The following CAPRIN1 variants were observed in gnomAD, a reference collection of about 807,000 sequenced individuals.
The protein encoded by CAPRIN1 is caprin-1.
CAPRIN1 carries 29 observed loss-of-function variants against 100.9 expected under a neutral mutation model. The ratio of observed to expected loss-of-function variants is 0.29; its 90% CI spans 0.21 to 0.39. The LOEUF (loss-of-function observed/expected upper bound fraction) is 0.39. Ranked by LOEUF, CAPRIN1 falls within the 10% of genes least tolerant of loss-of-function variation. The pLI is 1.00. For synonymous variants in CAPRIN1, 338 were observed against 307.5 expected, an observed-to-expected ratio of 1.10 and a Z score of -1.04; for missense variants, 795 against 876.7, an observed-to-expected ratio of 0.91 and a Z score of 1.18.
intron 15 of CAPRIN1, 113 bp downstream of exon 15, chr11:34,092,169 G>A (rs1269049756): frequency 3.8e-6 from 4 of 1,040,952 alleles, no homozygotes; most frequent in African/African-American, 3.2e-5. Context: ...TGTTTTAGTA[G>A]CAGACCATAT....
chr11:34,084,174 G>T (rs1246281987), intron 9 of CAPRIN1, among the ~76,000 whole-genome samples: 2 of 151,626 alleles, frequency 1.3e-5, no homozygotes, highest in Admixed American at 1.3e-4. Flanking sequence ...GGCTCGTCTT[G>T]AATTCCTGAC....
chr11:34,078,804 T>C (rs755638125), intron 6 of CAPRIN1, among the ~76,000 whole-genome samples: 1 of 152,188 alleles, frequency 6.6e-6, no homozygotes, highest in Non-Finnish European at 1.5e-5. Flanking sequence ...CTTCTTCCCC[T>C]CTACTCTTCT....
rs3833786 is a variant in CAPRIN1 at position 34,096,149 on chromosome 11, T to TA, written c.1706-329dup. The stretch of plus-strand genomic sequence containing the variant: ...TGTACTAAGAGTAAATCTTTTGAGT[T>TA]ATTTTGGGTCTCTTGTGCTAAAAAG... On this transcript the variant is annotated intron_variant, in intron 15 of 18. Transcript: ENST00000341394. 60 of 177,728 alleles carry TA rather than the reference T, an allele frequency of 3.4e-4. 1 individual carries two copies. In the East Asian group the frequency reaches 8.9e-3, roughly 26 times the overall value. 11.0% of individuals were successfully genotyped at this position (177,728 alleles called of 1,614,324 possible).
intron 15 of CAPRIN1, 107 bp downstream of exon 15, chr11:34,092,163 T>TTAG: frequency 9.1e-7 from 1 of 1,103,902 alleles, no homozygotes; most frequent in South Asian, 1.7e-5. Flanking sequence ...AGTTTCTGTT[T>TTAG]TAGTAGCAGA....
chr11:34,096,325 T>G, intron 15 of CAPRIN1, 154 bp from the exon 16 acceptor site: 2 of 568,886 alleles, frequency 3.5e-6, no homozygotes, highest in South Asian at 4.9e-5. Context: ...GTAAGAGACT[T>G]TATTCATGTG....
chr11:34,071,133 C>T (rs904180381), intron 2 of CAPRIN1, among the ~76,000 whole-genome samples: 3 of 152,194 alleles, frequency 2.0e-5, no homozygotes, highest in Non-Finnish European at 4.4e-5. Context: ...GGCCCTTACC[C>T]ATGTGGGTAG....
intron 2 of CAPRIN1, among the ~76,000 whole-genome samples, chr11:34,069,452 T>A (rs1850768312): frequency 6.6e-6 from 1 of 152,132 alleles, no homozygotes; most frequent in South Asian, 2.1e-4. Context: ...CTGGTCTAGT[T>A]TTTTATTTCT....
chr11:34,073,585 GTCTAATTT>G (rs1173283034), intron 4 of CAPRIN1, among the ~76,000 whole-genome samples: 1 of 152,094 alleles, frequency 6.6e-6, no homozygotes, highest in African/African-American at 2.4e-5. Context: ...CACCATGCCA[GTCTAATTT>G]TCTAATTTTT....
At chr11:34,083,510 T>A (rs1168180859) in intron 9 of CAPRIN1, among the ~76,000 whole-genome samples, 2 of 152,208 alleles carry the variant, frequency 1.3e-5, no homozygotes, top group African/African-American at 4.8e-5. Flanking sequence ...TCTCTTCATA[T>A]TACTCCTCTC....
intron 4 of CAPRIN1, among the ~76,000 whole-genome samples, chr11:34,074,787 A>G (rs1298144419): frequency 1.3e-5 from 2 of 152,212 alleles, no homozygotes; most frequent in Non-Finnish European, 2.9e-5. Context: ...AGGCAGCAGA[A>G]TTACTTGAAT....
At position 34,090,026 on chromosome 11, in the gene CAPRIN1, TA is replaced by T. The variant is rs1467737523; in HGVS notation, c.1294-152del. 6.4e-6 allele frequency: 3 copies of T among 469,228 alleles called. No individual in the cohort carries two copies. The East Asian group carries it at 1.0e-4, about 16-fold the overall frequency. The allele number at this position is 469,228 out of a possible 1,614,324, so 29.1% of individuals were successfully genotyped here. A position where few individuals can be genotyped will look rare whatever the true frequency, so the allele number is the denominator to read the frequency against. ...TTTTTGCAATTTTTAGGTTTTATAT[TA>T]TACAAATTTAAAGAGAGATGGTAAT... On this transcript the variant is annotated intron_variant, in intron 12 of 18. Coordinates refer to ENST00000341394, the MANE Select transcript of CAPRIN1 (RefSeq NM_005898.5).
In CAPRIN1 at chr11:34,079,496, A is replaced by C. The variant is rs948115641; in HGVS notation, c.689-132A>C. 22 of 631,220 alleles carry C rather than the reference A, an allele frequency of 3.5e-5. No homozygotes were observed. The African/African-American group carries it at 4.1e-4, about 12-fold the overall frequency. 39.1% of individuals were successfully genotyped at this position (631,220 alleles called of 1,614,324 possible). A position where few individuals can be genotyped will look rare whatever the true frequency, so the allele number is the denominator to read the frequency against. Reference sequence around the variant, plus strand: ...TACATTTCTGTTCTTGGTGAAATGTAATCTTTTTATGTGTATATGTGTTTT... The same window carrying C: ...TACATTTCTGTTCTTGGTGAAATGTCATCTTTTTATGTGTATATGTGTTTT... On this transcript the variant is annotated intron_variant, in intron 6 of 18. Transcript: ENST00000341394.
chr11:34,097,686 C>T lies in CAPRIN1; in HGVS notation c.2002-12C>T. The T allele has an allele frequency of 6.2e-7, 1 of 1,613,954 alleles. No homozygotes were observed. The highest frequency in any genetic ancestry group is 8.5e-7 in the Non-Finnish European group (1 of 1,179,878). On this transcript the variant is annotated splice_polypyrimidine_tract_variant and intron_variant, in intron 17 of 18. Coordinates refer to ENST00000341394, the MANE Select transcript of CAPRIN1 (RefSeq NM_005898.5). ...AAAGTACCTTTTCAATACTAACTAG[C>T]TTGTCTTTTAGGATGGATATCAGCA...
At position 34,057,297 on chromosome 11, in the gene CAPRIN1, C is replaced by CTG. The variant is rs1449056578; in HGVS notation, c.216+4669_216+4670dup. 2.6e-5 allele frequency among the ~76,000 whole-genome samples: 4 copies of CTG among 152,100 alleles called. No homozygotes were observed. The East Asian group carries it at 5.8e-4, about 22-fold the overall frequency. On this transcript the variant is annotated intron_variant, in intron 2 of 18. Coordinates refer to ENST00000341394, the MANE Select transcript of CAPRIN1 (RefSeq NM_005898.5). ...GCTTAATTTGTTTCCCTTTGCTTGA[C>CTG]TGTGTGTGTTTGTATGTGTAGCACT...
At chr11:34,087,288 G>C (rs17777985) in intron 11 of CAPRIN1, among the ~76,000 whole-genome samples, 1 of 148,176 alleles carries the variant, frequency 6.7e-6, no homozygotes, top group Non-Finnish European at 1.5e-5. Context: ...GTGTAAGGTA[G>C]TTAGGATTTT....
intron 2 of CAPRIN1, among the ~76,000 whole-genome samples, chr11:34,054,972 T>C (rs1435618296): frequency 6.6e-6 from 1 of 152,132 alleles, no homozygotes; most frequent in Admixed American, 6.6e-5. Flanking sequence ...TAGGTGCTGA[T>C]TGGCAGCCAA....
intron 2 of CAPRIN1, among the ~76,000 whole-genome samples, chr11:34,064,127 C>T (rs1443575160): frequency 1.3e-5 from 2 of 152,090 alleles, no homozygotes; most frequent in African/African-American, 4.8e-5. Flanking sequence ...TACTTAATAT[C>T]TTATTTTATT....
intron 7 of CAPRIN1, among the ~76,000 whole-genome samples, chr11:34,081,747 A>G (rs868213077): frequency 2.4e-4 from 36 of 149,856 alleles, no homozygotes; most frequent in Middle Eastern, 3.5e-3. Context: ...ATCTGCCCAC[A>G]TTGGCCTCCC....
At chr11:34,063,364 GT>G in intron 2 of CAPRIN1, 1 of 152,288 alleles carries the variant, frequency 6.6e-6, no homozygotes, top group Non-Finnish European at 1.5e-5. Flanking sequence ...CCTTACTTAG[GT>G]AAGTTATTTA....
Sources: allele counts gnomAD v4.1 joint callset (sites outside exome capture counted in the v4.1 genomes callset), GRCh38; gene constraint gnomAD v4.1.1; transcripts MANE v1.5; gene names NCBI Gene and HGNC (gene_info 2026-07-23, HGNC 2026-07-21).